USP34: variants seen among roughly 807,000 people sequenced by gnomAD.
The protein encoded by USP34 is ubiquitin specific peptidase 34.
Under a neutral mutation model 460.3 loss-of-function variants are expected in USP34, and 70 were observed. The ratio of observed to expected loss-of-function variants is 0.15; its 90% CI spans 0.13 to 0.19. The LOEUF is 0.19. Ranked by LOEUF, USP34 falls within the 10% of genes least tolerant of loss-of-function variation. USP34 has a pLI of 1.00. For synonymous variants in USP34, 1,647 were observed against 1,405.3 expected, an observed-to-expected ratio of 1.17 and a Z score of -3.85; for missense variants, 3,985 against 4,236.2, an observed-to-expected ratio of 0.94 and a Z score of 1.65.
intron 2 of USP34, among the ~76,000 whole-genome samples, chr2:61,406,425 T>G (rs1033318618): frequency 2.6e-5 from 4 of 152,182 alleles, no homozygotes; most frequent in African/African-American, 9.7e-5. Flanking sequence ...ATTTTGTTTC[T>G]CCAGTGTCAA....
intron 41 of USP34, among the ~76,000 whole-genome samples, chr2:61,268,633 T>C (rs1051483086): frequency 5.9e-5 from 9 of 151,798 alleles, no homozygotes; most frequent in African/African-American, 1.7e-4. Flanking sequence ...AATACAGCAA[T>C]AGATAATAGG....
At chr2:61,432,896 C>T (rs1225248782) in intron 1 of USP34, among the ~76,000 whole-genome samples, 1 of 151,940 alleles carries the variant, frequency 6.6e-6, no homozygotes, top group East Asian at 1.9e-4. Context: ...ACCACATAGC[C>T]AGAAACAAGG....
At chr2:61,375,847 C>G (rs1433577927) in intron 8 of USP34, among the ~76,000 whole-genome samples, 2 of 148,940 alleles carry the variant, frequency 1.3e-5, no homozygotes, top group African/African-American at 2.5e-5. Context: ...TGTGGTATAT[C>G]TATACAATGT....
chr2:61,285,287 G>T (rs151016865), intron 34 of USP34, among the ~76,000 whole-genome samples: 5 of 151,838 alleles, frequency 3.3e-5, no homozygotes, highest in African/African-American at 1.2e-4. Context: ...CCAGAAATCC[G>T]ACACTAGCTG....
intron 27 of USP34, among the ~76,000 whole-genome samples, chr2:61,304,129 C>T (rs903211114): frequency 4.6e-5 from 7 of 152,208 alleles, no homozygotes; most frequent in African/African-American, 1.2e-4. Context: ...ACCTCCTGAC[C>T]GCAAATGATC....
chr2:61,315,748 C>T (rs1013010255), intron 23 of USP34, among the ~76,000 whole-genome samples: 1 of 152,004 alleles, frequency 6.6e-6, no homozygotes, highest in Non-Finnish European at 1.5e-5. Flanking sequence ...GAAAAAGTGG[C>T]GAGTGGAAGC....
chr2:61,217,027 C>G (rs1687424637), intron 67 of USP34, among the ~76,000 whole-genome samples: 1 of 133,434 alleles, frequency 7.5e-6, no homozygotes, highest in Non-Finnish European at 1.7e-5. Context: ...TCTACTAAGA[C>G]CACAGACCTA....
intron 57 of USP34, among the ~76,000 whole-genome samples, chr2:61,234,052 GATT>G (rs1047555701): frequency 6.6e-6 from 1 of 152,202 alleles, no homozygotes; most frequent in Non-Finnish European, 1.5e-5. Context: ...AAGAAAGAAA[GATT>G]ATTATTATTT....
intron 27 of USP34, among the ~76,000 whole-genome samples, chr2:61,310,339 A>C (rs1008668867): frequency 3.3e-5 from 5 of 152,266 alleles, no homozygotes; most frequent in South Asian, 4.1e-4. Context: ...AAAACAATCT[A>C]AATGTCCATT....
At chr2:61,220,600 T>C (rs1271881437) in intron 66 of USP34, 143 bp from the exon 67 acceptor site, 5 of 787,992 alleles carry the variant, frequency 6.3e-6, no homozygotes, top group Non-Finnish European at 9.0e-6. Flanking sequence ...CCTATTTTTT[T>C]CCCATTTTTA....
intron 23 of USP34, 60 bp downstream of exon 23, chr2:61,317,594 G>C (rs556083456): frequency 2.1e-6 from 3 of 1,445,256 alleles, no homozygotes; most frequent in Non-Finnish European, 2.9e-6. Context: ...TTTGGAAACC[G>C]AATTTGATAA....
intron 15 of USP34, among the ~76,000 whole-genome samples, chr2:61,345,207 G>A (rs1380468651): frequency 6.6e-6 from 1 of 152,028 alleles, no homozygotes; most frequent in Admixed American, 6.5e-5. Context: ...CCAAAAGGTG[G>A]AGGCTGCAGT....
chr2:61,358,443 T>A (rs1341078863), intron 10 of USP34, among the ~76,000 whole-genome samples: 1 of 151,910 alleles, frequency 6.6e-6, no homozygotes, highest in Non-Finnish European at 1.5e-5. Flanking sequence ...CCTTTCATGA[T>A]AAAAATTCTC....
intron 10 of USP34, among the ~76,000 whole-genome samples, chr2:61,365,124 C>T (rs182860681): frequency 7.3e-5 from 11 of 151,610 alleles, no homozygotes; most frequent in South Asian, 4.2e-4. Context: ...TGGAGGTGCG[C>T]GCCTATAATC....
At chr2:61,240,427 C>T (rs1688219391) in intron 53 of USP34, among the ~76,000 whole-genome samples, 1 of 152,006 alleles carries the variant, frequency 6.6e-6, no homozygotes, top group African/African-American at 2.4e-5. Flanking sequence ...TACAGGCGCC[C>T]GCCAACATGC....
At chr2:61,405,302 C>G (rs1419907858) in intron 3 of USP34, among the ~76,000 whole-genome samples, 2 of 148,842 alleles carry the variant, frequency 1.3e-5, no homozygotes, top group African/African-American at 2.5e-5. Context: ...TTTGAAACTA[C>G]TAATCACAGA....
intron 33 of USP34, among the ~76,000 whole-genome samples, chr2:61,289,508 C>T (rs762591375): frequency 1.0e-3 from 154 of 152,130 alleles, no homozygotes; most frequent in Non-Finnish European, 1.7e-3. Flanking sequence ...ATTAGAATAT[C>T]ACTTATGTAC....
intron 34 of USP34, among the ~76,000 whole-genome samples, chr2:61,286,250 C>A (rs951433979): frequency 2.0e-5 from 3 of 152,048 alleles, no homozygotes; most frequent in African/African-American, 7.2e-5. Context: ...AGTATTAACG[C>A]AACAGAAATT....
At chr2:61,393,503 T>G (rs1028402759) in intron 5 of USP34, among the ~76,000 whole-genome samples, 10 of 151,772 alleles carry the variant, frequency 6.6e-5, no homozygotes, top group African/African-American at 2.4e-4. Context: ...TTTCAACCTA[T>G]CAGAATGGGT....
Sources: gnomAD v4.1 joint callset for allele counts (sites outside exome capture counted in the v4.1 genomes callset) on GRCh38, gnomAD v4.1.1 for gene constraint, MANE v1.5 for transcripts, NCBI Gene and HGNC (gene_info 2026-07-23, HGNC 2026-07-21) for gene names.